The following AFG2A variants were observed in gnomAD, a reference collection of about 807,000 sequenced individuals.
AFG2A encodes the protein AAA ATPase AFG2A.
the AFG2A span, among the ~76,000 whole-genome samples, chr4:122,999,130 A>G: frequency 9.1e-6 from 1 of 109,374 alleles, no homozygotes; most frequent in Non-Finnish European, 2.0e-5. Flanking sequence ...GTGTCTGTTC[A>G]TATCCTTTGC....
At chr4:123,179,185 G>A in the AFG2A span, among the ~76,000 whole-genome samples, 1 of 152,190 alleles carries the variant, frequency 6.6e-6, no homozygotes, top group African/African-American at 2.4e-5. Context: ...ACCATAGGCA[G>A]TTTTTCCTTC....
chr4:122,999,824 G>GT, the AFG2A span, among the ~76,000 whole-genome samples: 1 of 151,968 alleles, frequency 6.6e-6, no homozygotes, highest in Non-Finnish European at 1.5e-5. Context: ...CTTTAAAGTA[G>GT]TTTTCTCCAA....
chr4:122,995,817 A>G, the AFG2A span, among the ~76,000 whole-genome samples: 3 of 152,194 alleles, frequency 2.0e-5, no homozygotes, highest in Non-Finnish European at 4.4e-5. Flanking sequence ...CTCTTTAAAT[A>G]CTTCATGAGT....
the AFG2A span, among the ~76,000 whole-genome samples, chr4:123,118,775 G>A: frequency 3.9e-5 from 6 of 151,902 alleles, no homozygotes; most frequent in African/African-American, 1.2e-4. Context: ...TGAATGTGTC[G>A]GGGTTTCCAG....
chr4:122,956,107 C>T, the AFG2A span, among the ~76,000 whole-genome samples: 2 of 152,014 alleles, frequency 1.3e-5, no homozygotes, highest in Non-Finnish European at 2.9e-5. Flanking sequence ...TTTTTGCTGT[C>T]CAGAAATACA....
the AFG2A span, among the ~76,000 whole-genome samples, chr4:123,128,349 C>G: frequency 6.6e-6 from 1 of 152,118 alleles, no homozygotes; most frequent in Non-Finnish European, 1.5e-5. Context: ...AGAAGTATCT[C>G]AGGGTAAACA....
chr4:123,226,831 A>T, the AFG2A span, among the ~76,000 whole-genome samples: 2 of 152,092 alleles, frequency 1.3e-5, no homozygotes, highest in African/African-American at 2.4e-5. Flanking sequence ...CTGTGAATCC[A>T]TCTGGTCCTG....
chr4:123,008,243 G>C, the AFG2A span, among the ~76,000 whole-genome samples: 4 of 152,152 alleles, frequency 2.6e-5, no homozygotes, highest in African/African-American at 9.7e-5. Flanking sequence ...AGCAGCAAGA[G>C]AGAGATGCCA....
At chr4:123,290,471 G>T in the AFG2A span, among the ~76,000 whole-genome samples, 1 of 152,068 alleles carries the variant, frequency 6.6e-6, no homozygotes, top group Non-Finnish European at 1.5e-5. Context: ...TCCAGTGTAC[G>T]TTTTTGTCAT....
the AFG2A span, among the ~76,000 whole-genome samples, chr4:123,101,326 G>A: frequency 6.6e-5 from 10 of 151,858 alleles, no homozygotes; most frequent in Admixed American, 6.6e-4. Context: ...CTGCTATTAA[G>A]AATACTATCT....
At chr4:123,267,172 T>A in the AFG2A span, among the ~76,000 whole-genome samples, 1 of 152,056 alleles carries the variant, frequency 6.6e-6, no homozygotes, top group African/African-American at 2.4e-5. Context: ...ATGCAGTGGT[T>A]ACCTTGTTCT....
At chr4:123,084,078 A>T in the AFG2A span, among the ~76,000 whole-genome samples, 69,116 of 151,960 alleles carry the variant, frequency 0.45, 19,129 homozygotes, top group Non-Finnish European at 0.61. Flanking sequence ...CATCTAGGTT[A>T]TCAAATTTTG....
chr4:123,097,062 TTGG>T, the AFG2A span, among the ~76,000 whole-genome samples: 1 of 152,068 alleles, frequency 6.6e-6, no homozygotes, highest in Non-Finnish European at 1.5e-5. Flanking sequence ...CCTTAAACCT[TTGG>T]ACTCAAGCAA....
At chr4:123,217,550 TAAA>T in the AFG2A span, among the ~76,000 whole-genome samples, 1 of 152,168 alleles carries the variant, frequency 6.6e-6, no homozygotes, top group Non-Finnish European at 1.5e-5. Flanking sequence ...TGGTTAAAAA[TAAA>T]AAAGGAAAAC....
chr4:122,942,713 T>C, the AFG2A span, among the ~76,000 whole-genome samples: 17 of 152,192 alleles, frequency 1.1e-4, no homozygotes, highest in East Asian at 2.1e-3. Context: ...TCTAGTTCTT[T>C]TAATTGTGTT....
chr4:123,309,875 C>T, the AFG2A span, among the ~76,000 whole-genome samples: 1 of 152,150 alleles, frequency 6.6e-6, no homozygotes, highest in Non-Finnish European at 1.5e-5. Context: ...ACTTATTTGA[C>T]CATGGAATAC....
chr4:123,034,591 T>G, the AFG2A span, among the ~76,000 whole-genome samples: 1 of 139,518 alleles, frequency 7.2e-6, no homozygotes, highest in African/African-American at 2.6e-5. Context: ...AAAAGGACAT[T>G]AGGGAAAAAT....
the AFG2A span, among the ~76,000 whole-genome samples, chr4:122,993,283 G>C: frequency 6.6e-6 from 1 of 152,022 alleles, no homozygotes; most frequent in Admixed American, 6.6e-5. Flanking sequence ...GTGAACCACA[G>C]CACCTAGCCG....
At chr4:123,062,231 G>A in the AFG2A span, among the ~76,000 whole-genome samples, 1 of 152,132 alleles carries the variant, frequency 6.6e-6, no homozygotes, top group Non-Finnish European at 1.5e-5. Context: ...AAGGGAGGCA[G>A]TTTACATACT....
Sources: allele counts gnomAD v4.1 joint callset (sites outside exome capture counted in the v4.1 genomes callset), GRCh38; gene constraint gnomAD v4.1.1; transcripts MANE v1.5; gene names NCBI Gene and HGNC (gene_info 2026-07-23, HGNC 2026-07-21).